CEMIP2: variants seen among roughly 807,000 people sequenced by gnomAD.
The protein encoded by CEMIP2 is cell migration inducing hyaluronidase 2.
Under a neutral mutation model 146.9 loss-of-function variants are expected in CEMIP2, and 79 were observed. The ratio of observed to expected loss-of-function variants is 0.54; its 90% CI spans 0.45 to 0.65. The LOEUF is 0.65. Among genes scored for constraint, CEMIP2 ranks in the 30% least tolerant of loss-of-function variants. The pLI, the probability that CEMIP2 is intolerant of heterozygous loss-of-function variation, is 0.00. For synonymous variants in CEMIP2, 601 were observed against 606.3 expected, an observed-to-expected ratio of 0.99 and a Z score of 0.13; for missense variants, 1,596 against 1,696.2, an observed-to-expected ratio of 0.94 and a Z score of 1.04.
In CEMIP2 at chr9:71,686,916, T is replaced by C. The variant is rs559781244; in HGVS notation, c.3852-1070A>G. 3 of 152,320 alleles carry C rather than the reference T, an allele frequency of 2.0e-5. No individual in the cohort carries two copies. In the South Asian group the frequency reaches 6.2e-4, roughly 32 times the overall value. 9.4% of individuals were successfully genotyped at this position (152,320 alleles called of 1,614,324 possible). On this transcript the variant is annotated intron_variant, in intron 22 of 23. Coordinates refer to ENST00000377044, the MANE Select transcript of CEMIP2 (RefSeq NM_013390.3). ...ATTTATTTAAGTTCTATTATCTATT[T>C]ATTAAATAAATGGATAAACACAATT...
rs969715869 is a variant in CEMIP2, at chr9:71,700,944, T to C, written c.3195-120A>G. ...TTCTTCCACTTCCTGCCCATAGTTT[T>C]CTCCTCCTTAAATTTCTTCTGTGTG... is the stretch of plus-strand genomic sequence containing the variant. On this transcript the variant is annotated intron_variant, in intron 18 of 23. Transcript: ENST00000377044. 3 of 910,244 alleles carry C rather than the reference T, an allele frequency of 3.3e-6. No homozygotes were observed. The African/African-American group carries it at 5.1e-5, about 15-fold the overall frequency. The allele number at this position is 910,244 out of a possible 1,614,324, so 56.4% of individuals were successfully genotyped here. A position where few individuals can be genotyped will look rare whatever the true frequency, so the allele number is the denominator to read the frequency against.
chr9:71,699,076 C>A, intron 19 of CEMIP2: 1 of 150,960 alleles, frequency 6.6e-6, no homozygotes, highest in South Asian at 2.0e-4. Context: ...TTCGCAATTA[C>A]TTTTGCACCA....
chr9:71,719,421 T>A (rs922119175), intron 12 of CEMIP2, among the ~76,000 whole-genome samples: 12 of 152,096 alleles, frequency 7.9e-5, no homozygotes, highest in Admixed American at 7.9e-4. Flanking sequence ...TAGGTAAAGA[T>A]CTGGGTCTCC....
chr9:71,746,088 C>A, intron 3 of CEMIP2, 113 bp downstream of exon 3: 2 of 1,215,838 alleles, frequency 1.6e-6, no homozygotes, highest in Admixed American at 2.4e-5. Context: ...TAGAGTGACA[C>A]CACAAACTAA....
chr9:71,698,850 T>A (rs1822473713), intron 19 of CEMIP2, among the ~76,000 whole-genome samples: 1 of 152,122 alleles, frequency 6.6e-6, no homozygotes, highest in South Asian at 2.1e-4. Flanking sequence ...TCAATCTCTA[T>A]CAGCAAACCC....
Position 71,694,620 on chromosome 9 carries a change from G to A in CEMIP2, c.3598-13C>T. The A allele has an allele frequency of 6.3e-7, 1 of 1,580,580 alleles. No homozygotes were observed. Among genetic ancestry groups the A allele is most frequent in the Non-Finnish European group, 8.7e-7 (1 of 1,149,958 alleles). ...TAGTAAACACCACCTAGACAGAGAA[G>A]AAGTTCCATATTTATGGCAACTCTT... On this transcript the variant is annotated splice_polypyrimidine_tract_variant and intron_variant, in intron 20 of 23. Transcript: ENST00000377044.
At chr9:71,706,546 T>C (rs1031133866) in intron 17 of CEMIP2, among the ~76,000 whole-genome samples, 34 of 152,302 alleles carry the variant, frequency 2.2e-4, no homozygotes, top group African/African-American at 7.9e-4. Context: ...TCAAATACAT[T>C]AGATATTCAA....
chr9:71,762,044 G>A lies in CEMIP2; in HGVS notation c.-13+6313C>T, dbSNP rs890638227. 2.1e-4 allele frequency among the ~76,000 whole-genome samples: 27 copies of A among 129,682 alleles called. No homozygotes were observed. In the South Asian group the frequency reaches 3.4e-3, roughly 16 times the overall value. The allele number at this position is 129,682 out of a possible 152,430, so 85.1% of individuals were successfully genotyped here. On this transcript the variant is annotated intron_variant, in intron 1 of 23. Coordinates refer to ENST00000377044, the MANE Select transcript of CEMIP2 (RefSeq NM_013390.3). ...CAATAGTGACTAAAAAGTATGGGAG[G>A]GAGGGGAGGGTGACACACTACAGAA... is the stretch of plus-strand genomic sequence containing the variant.
At chr9:71,709,995 C>T (rs1030060808) in intron 16 of CEMIP2, among the ~76,000 whole-genome samples, 1 of 152,054 alleles carries the variant, frequency 6.6e-6, no homozygotes, top group Non-Finnish European at 1.5e-5. Flanking sequence ...ATATGACTCC[C>T]CCCACCAAAA....
At chr9:71,725,476 T>G in intron 11 of CEMIP2, 105 bp downstream of exon 11, 3 of 1,250,184 alleles carry the variant, frequency 2.4e-6, no homozygotes, top group Non-Finnish European at 3.3e-6. Flanking sequence ...AACTAGTCTG[T>G]GATATTCTAC....
chr9:71,701,553 C>G (rs1822562790), intron 18 of CEMIP2, among the ~76,000 whole-genome samples: 1 of 152,204 alleles, frequency 6.6e-6, no homozygotes, highest in South Asian at 2.1e-4. Context: ...GAGAGTGGAA[C>G]TGTACATTGG....
At position 71,684,240 on chromosome 9, in the gene CEMIP2, G is replaced by A. The variant is rs1480149015; in HGVS notation, c.*957C>T. ...CTTTCTGGGATTTTCCTGGCAGGAG[G>A]GTGAACAGAAAAGCTTTAAAAAATC... is the stretch of plus-strand genomic sequence containing the variant. On this transcript the variant is annotated 3_prime_UTR_variant, in exon 24 of 24. Transcript: ENST00000377044. 2 of 151,988 alleles carry A rather than the reference G, an allele frequency of 1.3e-5. No homozygotes were observed. Among genetic ancestry groups the A allele is most frequent in the Non-Finnish European group, 2.9e-5 (2 of 68,018 alleles). The allele number at this position is 151,988 out of a possible 1,614,324, so 9.4% of individuals were successfully genotyped here.
At chr9:71,744,893 G>T in intron 4 of CEMIP2, 125 bp downstream of exon 4, 1 of 997,592 alleles carries the variant, frequency 1.0e-6, no homozygotes, top group Non-Finnish European at 1.5e-6. Context: ...TACCAGACAT[G>T]CAAATGGTAG....
chr9:71,708,079 A>T (rs1407279650), intron 17 of CEMIP2, among the ~76,000 whole-genome samples: 1 of 152,176 alleles, frequency 6.6e-6, no homozygotes, highest in African/African-American at 2.4e-5. Flanking sequence ...CCAGCTGCTC[A>T]GGAGGCTGAG....
intron 6 of CEMIP2, among the ~76,000 whole-genome samples, chr9:71,733,054 G>T (rs969323219): frequency 4.6e-5 from 7 of 151,964 alleles, no homozygotes; most frequent in Non-Finnish European, 8.8e-5. Context: ...CTCCCCTAGG[G>T]CATATGAAGA....
intron 1 of CEMIP2, among the ~76,000 whole-genome samples, chr9:71,758,482 G>A (rs533358530): frequency 1.3e-5 from 2 of 152,300 alleles, no homozygotes; most frequent in African/African-American, 2.4e-5. Flanking sequence ...GAGCATGGCC[G>A]AAAACAGGTT....
At chr9:71,716,463 C>A in intron 14 of CEMIP2, 54 bp downstream of exon 14, 2 of 1,393,790 alleles carry the variant, frequency 1.4e-6, no homozygotes, top group South Asian at 2.6e-5. Context: ...AAAAAAAAAT[C>A]AAGGGTTATT....
intron 1 of CEMIP2, among the ~76,000 whole-genome samples, chr9:71,753,478 C>T (rs923253007): frequency 2.0e-5 from 3 of 152,106 alleles, no homozygotes; most frequent in Non-Finnish European, 4.4e-5. Context: ...TAAGCATGGT[C>T]GTGTTTTTCC....
intron 1 of CEMIP2, among the ~76,000 whole-genome samples, chr9:71,760,858 G>C (rs759301201): frequency 6.6e-6 from 1 of 152,190 alleles, no homozygotes; most frequent in Admixed American, 6.5e-5. Context: ...GAAAAAGGTC[G>C]TTGTACCTAC....
Sources: gnomAD v4.1 joint callset for allele counts (sites outside exome capture counted in the v4.1 genomes callset) on GRCh38, gnomAD v4.1.1 for gene constraint, MANE v1.5 for transcripts, NCBI Gene and HGNC (gene_info 2026-07-23, HGNC 2026-07-21) for gene names.